The following SEMA5A variants were observed in gnomAD, a reference collection of about 807,000 sequenced individuals.
SEMA5A encodes the protein semaphorin 5A.
Under a neutral mutation model 135.5 loss-of-function variants are expected in SEMA5A, and 55 were observed. The observed-to-expected ratio is 0.41, with a 90% CI of 0.33 to 0.51. The LOEUF (loss-of-function observed/expected upper bound fraction) is 0.51, where lower values mean the gene tolerates loss of function less well. Ranked by LOEUF, SEMA5A falls within the 20% of genes least tolerant of loss-of-function variation. The pLI is 0.37. For missense variants in SEMA5A, 1,290 were observed against 1,419.9 expected (o/e 0.91, Z 1.47); for synonymous variants, 580 against 546.5 (o/e 1.06, Z -0.85).
At chr5:9,101,007 A>T (rs1327993466) in intron 16 of SEMA5A, among the ~76,000 whole-genome samples, 1 of 152,234 alleles carries the variant, frequency 6.6e-6, no homozygotes, top group Non-Finnish European at 1.5e-5. Flanking sequence ...GCATCTAGAT[A>T]TCTGGGGCTT....
chr5:9,207,134 A>ATATATATATATATATATAT (rs1491507145), intron 8 of SEMA5A, among the ~76,000 whole-genome samples: 55 of 139,694 alleles, frequency 3.9e-4, no homozygotes, highest in South Asian at 7.3e-4. Context: ...ATATATATAT[A>ATATATATATATATATATAT]AAGCTTAAAG....
intron 8 of SEMA5A, among the ~76,000 whole-genome samples, chr5:9,218,128 C>G (rs890059283): frequency 2.0e-5 from 3 of 152,118 alleles, no homozygotes; most frequent in South Asian, 4.1e-4. Flanking sequence ...ATAAAATAAT[C>G]TGTACAACAA....
intron 1 of SEMA5A, among the ~76,000 whole-genome samples, chr5:9,536,619 GAA>G (rs199742682): frequency 7.2e-6 from 1 of 139,554 alleles, no homozygotes. Context: ...TCTCAAAAAA[GAA>G]AAAAAAAAAA....
At chr5:9,070,516 A>G (rs889404374) in intron 16 of SEMA5A, among the ~76,000 whole-genome samples, 2 of 152,184 alleles carry the variant, frequency 1.3e-5, no homozygotes, top group African/African-American at 4.8e-5. Context: ...TACCACCAAT[A>G]ATTCTTAGGT....
chr5:9,323,939 A>T lies in SEMA5A; in HGVS notation c.225-5522T>A, dbSNP rs184320379. On this transcript the variant is annotated intron_variant, in intron 4 of 22. Transcript: ENST00000382496. ...GCTGGGATTACAGGTGTGAGCCACC[A>T]CGCCTGGCCTAAATATTAGTTTAAT... Among the ~76,000 whole-genome samples, 18 of 151,080 alleles carry T rather than the reference A, an allele frequency of 1.2e-4. No homozygotes were observed. In the East Asian group the frequency reaches 2.4e-3, roughly 20 times the overall value.
In SEMA5A at chr5:9,428,990, G is replaced by A. The variant is rs571763222; in HGVS notation, c.-78+8766C>T. ...ACAGTGTGAAAAGGAAGGACTATATGTATTTACAAAATACTACAATGAATC... is the reference window on the plus strand; with the variant it reads ...ACAGTGTGAAAAGGAAGGACTATATATATTTACAAAATACTACAATGAATC... On this transcript the variant is annotated intron_variant, in intron 2 of 22. Transcript: ENST00000382496. Among the ~76,000 whole-genome samples the A allele has an allele frequency of 7.9e-5, 12 of 152,322 alleles. No individual in the cohort carries two copies. In the South Asian group the frequency reaches 2.5e-3, roughly 32 times the overall value.
intron 11 of SEMA5A, among the ~76,000 whole-genome samples, chr5:9,186,809 TC>T (rs1304859643): frequency 6.6e-6 from 1 of 152,248 alleles, no homozygotes; most frequent in African/African-American, 2.4e-5. Flanking sequence ...TATTATGTTT[TC>T]TTTATTCTAG....
intron 2 of SEMA5A, among the ~76,000 whole-genome samples, chr5:9,401,637 C>T (rs1756665352): frequency 6.6e-6 from 1 of 152,188 alleles, no homozygotes; most frequent in Non-Finnish European, 1.5e-5. Flanking sequence ...TCCCCAAAAT[C>T]ACAGTTCTAT....
chr5:9,089,333 C>T (rs966060425), intron 16 of SEMA5A, among the ~76,000 whole-genome samples: 2 of 152,142 alleles, frequency 1.3e-5, no homozygotes, highest in African/African-American at 2.4e-5. Context: ...TACTGAATAA[C>T]TCTTTACTCA....
chr5:9,127,444 A>C (rs564158211), intron 13 of SEMA5A, among the ~76,000 whole-genome samples: 1 of 152,218 alleles, frequency 6.6e-6, no homozygotes, highest in Admixed American at 6.5e-5. Context: ...AAGCACATAT[A>C]CACTTTCCCT....
intron 3 of SEMA5A, among the ~76,000 whole-genome samples, chr5:9,371,687 C>G (rs574443847): frequency 1.3e-5 from 2 of 152,144 alleles, no homozygotes; most frequent in African/African-American, 2.4e-5. Flanking sequence ...CATTACATCA[C>G]ATAAAACATC....
At chr5:9,368,473 G>A (rs1422334306) in intron 3 of SEMA5A, among the ~76,000 whole-genome samples, 1 of 152,144 alleles carries the variant, frequency 6.6e-6, no homozygotes, top group Admixed American at 6.5e-5. Context: ...TTTAACAAAT[G>A]TATAAAACCT....
In SEMA5A at chr5:9,529,436, A is replaced by T. The variant is rs376799441; in HGVS notation, c.-175+16148T>A. ...CTGCCTGGACACCCACCAGCTGCACAGCTCCTCCCAGTAGCTTCCGGGTAT... is the reference window on the plus strand; with the variant it reads ...CTGCCTGGACACCCACCAGCTGCACTGCTCCTCCCAGTAGCTTCCGGGTAT... On this transcript the variant is annotated intron_variant, in intron 1 of 22. Coordinates refer to ENST00000382496, the MANE Select transcript of SEMA5A (RefSeq NM_003966.3). 2.4e-3 allele frequency among the ~76,000 whole-genome samples: 370 copies of T among 152,372 alleles called. 3 individuals carry two copies. The highest frequency in any genetic ancestry group is 8.6e-3 in the African/African-American group (357 of 41,592).
chr5:9,540,325 C>T (rs1158591909), intron 1 of SEMA5A, among the ~76,000 whole-genome samples: 1 of 151,952 alleles, frequency 6.6e-6, no homozygotes, highest in Non-Finnish European at 1.5e-5. Flanking sequence ...CGCGGTGGCT[C>T]ACGCCTGTAA....
At chr5:9,495,887 C>A (rs914057679) in intron 1 of SEMA5A, among the ~76,000 whole-genome samples, 1 of 152,078 alleles carries the variant, frequency 6.6e-6, no homozygotes, top group East Asian at 1.9e-4. Flanking sequence ...TTTACCTGAT[C>A]GACTGAATAC....
Position 9,202,005 on chromosome 5 carries a change from A to C in SEMA5A, c.882T>G (p.Thr294=). Residue 294 remains threonine, a synonymous_variant, in exon 9 of 23, where the codon ACT becomes ACG. Transcript: ENST00000382496. The part of the protein sequence containing the change: ...VPFYYNELQS[T]FFLPELDLIY... ...TCAAATCCAGCTCAGGCAGGAAGAA[A>C]GTACTCTGCAATTCGTTGTAGTAAA... is the stretch of plus-strand genomic sequence containing the variant. The C allele has an allele frequency of 6.2e-7, 1 of 1,614,208 alleles. No homozygotes were observed.
At chr5:9,395,172 A>G (rs557725836) in intron 2 of SEMA5A, among the ~76,000 whole-genome samples, 7 of 152,348 alleles carry the variant, frequency 4.6e-5, no homozygotes, top group Admixed American at 2.0e-4. Context: ...TTCAATGCAC[A>G]TATTTAGATC....
At chr5:9,513,792 G>A (rs1337874018) in intron 1 of SEMA5A, among the ~76,000 whole-genome samples, 3 of 152,102 alleles carry the variant, frequency 2.0e-5, no homozygotes, top group African/African-American at 7.2e-5. Flanking sequence ...CTTCATACAG[G>A]CTCATTATAC....
At chr5:9,112,781 C>T (rs556790029) in intron 15 of SEMA5A, among the ~76,000 whole-genome samples, 2 of 152,322 alleles carry the variant, frequency 1.3e-5, no homozygotes, top group Non-Finnish European at 2.9e-5. Flanking sequence ...TGAATGGGAC[C>T]TGTCACTGGC....
Sources: allele counts gnomAD v4.1 joint callset (sites outside exome capture counted in the v4.1 genomes callset), GRCh38; gene constraint gnomAD v4.1.1; transcripts MANE v1.5; gene names NCBI Gene and HGNC (gene_info 2026-07-23, HGNC 2026-07-21).